The following MDGA2 variants were observed in gnomAD, a reference collection of about 807,000 sequenced individuals.
The protein encoded by MDGA2 is MAM domain containing glycosylphosphatidylinositol anchor 2, also known as MAM domain-containing glycosylphosphatidylinositol anchor protein 2.
Under a neutral mutation model 117.8 loss-of-function variants are expected in MDGA2, and 40 were observed. That is an observed-to-expected ratio of 0.34 (90% confidence interval 0.26 to 0.44). The LOEUF is 0.44. Among genes scored for constraint, MDGA2 ranks in the 20% least tolerant of loss-of-function variants. The pLI is 1.00. For missense variants in MDGA2, 1,123 were observed against 1,250.6 expected, an observed-to-expected ratio of 0.90 and a Z score of 1.54; for synonymous variants, 452 against 439.0, an observed-to-expected ratio of 1.03 and a Z score of -0.37.
chr14:46,890,831 T>C (rs1185640675), intron 10 of MDGA2, among the ~76,000 whole-genome samples: 2 of 152,058 alleles, frequency 1.3e-5, no homozygotes, highest in South Asian at 2.1e-4. Flanking sequence ...ATCACAGAAA[T>C]AGAAGTAATA....
chr14:47,095,161 A>G (rs1879889399), intron 6 of MDGA2, among the ~76,000 whole-genome samples: 1 of 152,026 alleles, frequency 6.6e-6, no homozygotes, highest in African/African-American at 2.4e-5. Flanking sequence ...CAATTGAAAT[A>G]AAGAGCACAT....
intron 1 of MDGA2, among the ~76,000 whole-genome samples, chr14:47,458,694 T>C (rs1167634460): frequency 6.6e-6 from 1 of 152,156 alleles, no homozygotes; most frequent in Admixed American, 6.5e-5. Context: ...TGAGAGTTTA[T>C]GGATCTGTTA....
At chr14:47,625,153 A>G (rs1246929613) in intron 1 of MDGA2, among the ~76,000 whole-genome samples, 1 of 152,144 alleles carries the variant, frequency 6.6e-6, no homozygotes, top group African/African-American at 2.4e-5. Context: ...AACAGGTTAC[A>G]GTATAGTTGT....
chr14:47,154,579 G>C (rs796507347), intron 3 of MDGA2, among the ~76,000 whole-genome samples: 64 of 152,310 alleles, frequency 4.2e-4, no homozygotes, highest in African/African-American at 1.5e-3. Flanking sequence ...TCCCAGCACT[G>C]GCTCCAATTT....
At chr14:47,181,838 A>G (rs980722022) in intron 3 of MDGA2, among the ~76,000 whole-genome samples, 1 of 152,218 alleles carries the variant, frequency 6.6e-6, no homozygotes, top group Non-Finnish European at 1.5e-5. Context: ...AATAAAAATT[A>G]AAAAGGCTAT....
intron 1 of MDGA2, among the ~76,000 whole-genome samples, chr14:47,454,879 A>G (rs536242784): frequency 3.9e-5 from 6 of 152,334 alleles, no homozygotes; most frequent in African/African-American, 1.2e-4. Flanking sequence ...TTAAATATGA[A>G]TAACAAGGAG....
chr14:46,985,964 T>C (rs879565075), intron 8 of MDGA2, among the ~76,000 whole-genome samples: 4 of 152,014 alleles, frequency 2.6e-5, no homozygotes, highest in Admixed American at 6.6e-5. Context: ...TCAAGACTTC[T>C]AAGGTTTCAA....
chr14:47,420,855 G>A (rs570551454), intron 1 of MDGA2, among the ~76,000 whole-genome samples: 5 of 149,652 alleles, frequency 3.3e-5, no homozygotes, highest in Non-Finnish European at 7.4e-5. Context: ...ATAAAGCATC[G>A]TAGCACAAAC....
At chr14:47,343,215 T>G (rs767185527) in intron 1 of MDGA2, 40 of 1,139,568 alleles carry the variant, frequency 3.5e-5, no homozygotes, top group South Asian at 1.1e-4. Flanking sequence ...TGGTGATTTT[T>G]TTTGTTTGTT....
intron 1 of MDGA2, among the ~76,000 whole-genome samples, chr14:47,441,675 A>G (rs1893014370): frequency 6.6e-6 from 1 of 152,166 alleles, no homozygotes; most frequent in African/African-American, 2.4e-5. Flanking sequence ...TGTCATGGGT[A>G]CAAACAACAT....
In MDGA2 at chr14:47,538,501, T is replaced by G. The variant is rs566956118; in HGVS notation, c.280+136016A>C. ...AAGCATCTTTAGAAATTATCTTTTGTGTTGAGATTTCGTGTTATATACAAA... is the reference window on the plus strand; with the variant it reads ...AAGCATCTTTAGAAATTATCTTTTGGGTTGAGATTTCGTGTTATATACAAA... On this transcript the variant is annotated intron_variant, in intron 1 of 16. Coordinates refer to ENST00000399232, the MANE Select transcript of MDGA2 (RefSeq NM_001113498.3). Among the ~76,000 whole-genome samples the G allele has an allele frequency of 9.8e-5, 15 of 152,352 alleles. No individual in the cohort carries two copies. In the East Asian group the frequency reaches 2.5e-3, roughly 25 times the overall value.
chr14:47,572,828 A>C (rs1896045639), intron 1 of MDGA2, among the ~76,000 whole-genome samples: 1 of 152,212 alleles, frequency 6.6e-6, no homozygotes, highest in Non-Finnish European at 1.5e-5. Flanking sequence ...TCAGCAGCAC[A>C]ATCCAATAGT....
At chr14:47,259,792 T>C (rs183568481) in intron 2 of MDGA2, among the ~76,000 whole-genome samples, 3 of 151,456 alleles carry the variant, frequency 2.0e-5, no homozygotes, top group Admixed American at 6.6e-5. Flanking sequence ...TCTGAGAGAG[T>C]AGAGAGGGAC....
At position 47,147,045 on chromosome 14, in the gene MDGA2, C is replaced by A. The variant is rs1016929328; in HGVS notation, c.596-2771G>T. Among the ~76,000 whole-genome samples, 69 of 151,930 alleles carry A rather than the reference C, an allele frequency of 4.5e-4. 2 individuals are homozygous for A. The highest frequency in any genetic ancestry group is 1.5e-5 in the Non-Finnish European group (1 of 67,986). On this transcript the variant is annotated intron_variant, in intron 3 of 16. Transcript: ENST00000399232. Reference sequence around the variant, plus strand: ...GCATTTCAGATTTAAAAACAACATGCCAAAACAAGATTTGTTTAAGACAAG... The same window carrying A: ...GCATTTCAGATTTAAAAACAACATGACAAAACAAGATTTGTTTAAGACAAG...
chr14:46,899,115 C>A (rs933454978), intron 10 of MDGA2, among the ~76,000 whole-genome samples: 14 of 151,930 alleles, frequency 9.2e-5, no homozygotes, highest in African/African-American at 3.1e-4. Context: ...CTTTTTCTCT[C>A]CCACACCACA....
At position 47,022,343 on chromosome 14, in the gene MDGA2, T is replaced by G. The variant is rs374634644; in HGVS notation, c.1819+12668A>C. Among the ~76,000 whole-genome samples, 81 of 152,288 alleles carry G rather than the reference T, an allele frequency of 5.3e-4. No homozygotes were observed. In the East Asian group the frequency reaches 0.013, roughly 24 times the overall value. ...ATCTGCCCACCTTGGCCTCCCAAAG[T>G]GCTGGGATTACAGGTATGAGCCACC... On this transcript the variant is annotated intron_variant, in intron 8 of 16. Coordinates refer to ENST00000399232, the MANE Select transcript of MDGA2 (RefSeq NM_001113498.3).
chr14:47,618,121 G>T (rs1896980547), intron 1 of MDGA2, among the ~76,000 whole-genome samples: 1 of 152,102 alleles, frequency 6.6e-6, no homozygotes, highest in Non-Finnish European at 1.5e-5. Flanking sequence ...ATGGCCAAAA[G>T]GGAGACAAGG....
At chr14:47,240,333 C>G (rs1294399307) in intron 2 of MDGA2, among the ~76,000 whole-genome samples, 1 of 151,836 alleles carries the variant, frequency 6.6e-6, no homozygotes, top group African/African-American at 2.4e-5. Flanking sequence ...TGTGAGCCAC[C>G]ACGCCCAGCT....
Position 46,840,677 on chromosome 14 carries a change from A to G in MDGA2, c.*1254T>C, listed in dbSNP as rs1880571655. 1 of 152,582 alleles carries G rather than the reference A, an allele frequency of 6.6e-6. No individual in the cohort carries two copies. The highest frequency in any genetic ancestry group is 1.5e-5 in the Non-Finnish European group (1 of 68,002). 9.5% of individuals were successfully genotyped at this position (152,582 alleles called of 1,614,324 possible). On this transcript the variant is annotated 3_prime_UTR_variant, in exon 17 of 17. Transcript: ENST00000399232. ...CACTGTAGAGTTAGTATGCACTGCA[A>G]TCCCAAACATTTTCTTGTTCCCTCT...
Sources: gnomAD v4.1 joint callset for allele counts (sites outside exome capture counted in the v4.1 genomes callset) on GRCh38, gnomAD v4.1.1 for gene constraint, MANE v1.5 for transcripts, NCBI Gene and HGNC (gene_info 2026-07-23, HGNC 2026-07-21) for gene names.